Variants in LYNX1 observed in about 807,000 individuals in gnomAD.
The protein encoded by LYNX1 is Ly6/neurotoxin 1.
In LYNX1, 8 loss-of-function variants were observed where a neutral mutation model predicts 8.3. The observed-to-expected ratio is 0.97, with a 90% CI of 0.57 to 1.74. LYNX1 has a LOEUF of 1.74. Ranked by LOEUF, LYNX1 falls within the 40% of genes most tolerant of loss-of-function variation. The probability of loss-of-function intolerance (pLI) is 0.00; values close to 1 mark genes in which losing one functional copy is unlikely to be tolerated. For missense variants in LYNX1, 158 were observed against 159.7 expected (o/e 0.99, Z 0.06); for synonymous variants, 73 against 67.9 (o/e 1.08, Z -0.37).
chr8:142,772,195 GTCC>G lies in LYNX1; in HGVS notation c.*2969_*2971del. Reference sequence around the variant, plus strand: ...TCACTCGGGCATGTCCAGGACTCAGGTCCACACAGACAGTGGCAACAGCTAGCC... The same window carrying G: ...TCACTCGGGCATGTCCAGGACTCAGGACACAGACAGTGGCAACAGCTAGCC... On this transcript the variant is annotated 3_prime_UTR_variant, in exon 4 of 4. Transcript: ENST00000652477. The G allele has an allele frequency of 2.0e-6, 2 of 986,060 alleles. No individual in the cohort carries two copies. Among genetic ancestry groups the G allele is most frequent in the Non-Finnish European group, 2.4e-6 (2 of 830,030 alleles). The allele number at this position is 986,060 out of a possible 1,614,324, so 61.1% of individuals were successfully genotyped here.
chr8:142,772,504 G>A lies in LYNX1; in HGVS notation c.*2663C>T. 1 of 985,494 alleles carries A rather than the reference G, an allele frequency of 1.0e-6. No homozygotes were observed. Among genetic ancestry groups the A allele is most frequent in the South Asian group, 4.7e-5 (1 of 21,292 alleles). The allele number at this position is 985,494 out of a possible 1,614,324, so 61.0% of individuals were successfully genotyped here. A position where few individuals can be genotyped will look rare whatever the true frequency, so the allele number is the denominator to read the frequency against. On this transcript the variant is annotated 3_prime_UTR_variant, in exon 4 of 4. Coordinates refer to ENST00000652477, the MANE Select transcript of LYNX1 (RefSeq NM_177477.4). ...CTGGTGGGAGAAGCGGCTGCACTGT[G>A]GTGCAGGGGGTGGTGAGTGAGCGAG...
chr8:142,771,436 C>T lies in LYNX1; in HGVS notation c.*3731G>A. Reference sequence around the variant, plus strand: ...CTTACTCCTCAAGATGCAAATGAAGCTCAGGGCTGGGCGGAAGCTGGCAGG... The same window carrying T: ...CTTACTCCTCAAGATGCAAATGAAGTTCAGGGCTGGGCGGAAGCTGGCAGG... On this transcript the variant is annotated 3_prime_UTR_variant, in exon 4 of 4. Coordinates refer to ENST00000652477, the MANE Select transcript of LYNX1 (RefSeq NM_177477.4). 1 of 985,494 alleles carries T rather than the reference C, an allele frequency of 1.0e-6. No individual in the cohort carries two copies. 61.0% of individuals were successfully genotyped at this position (985,494 alleles called of 1,614,324 possible).
chr8:142,775,992 G>A lies in LYNX1; in HGVS notation c.-35C>T, dbSNP rs537200781. ...CAGGAGGGCAGCGTGGGAGTGGGGA[G>A]GTCAACAGCAGCTAGCCCTGGATCC... On this transcript the variant is annotated 5_prime_UTR_variant, in exon 2 of 4. Transcript: ENST00000652477. 7.4e-6 allele frequency: 12 copies of A among 1,612,172 alleles called. No individual in the cohort carries two copies. The African/African-American group carries it at 8.0e-5, about 11-fold the overall frequency.
rs1229766239 is a variant in LYNX1, at chr8:142,772,134, A to G, written c.*3033T>C. On this transcript the variant is annotated 3_prime_UTR_variant, in exon 4 of 4. Coordinates refer to ENST00000652477, the MANE Select transcript of LYNX1 (RefSeq NM_177477.4). The stretch of plus-strand genomic sequence containing the variant: ...CAGTTCCCAGAATGTATAACATCCT[A>G]GGGTGACAGAGCCCGCCCAAGCAGC... 1 of 986,088 alleles carries G rather than the reference A, an allele frequency of 1.0e-6. No individual in the cohort carries two copies. The highest frequency in any genetic ancestry group is 1.2e-6 in the Non-Finnish European group (1 of 830,152). 61.1% of individuals were successfully genotyped at this position (986,088 alleles called of 1,614,324 possible). A position where few individuals can be genotyped will look rare whatever the true frequency, so the allele number is the denominator to read the frequency against.
Position 142,771,858 on chromosome 8 carries a change from GC to G in LYNX1, c.*3308del. ...GAAGCCTGCCCAGGGCCGCAGCCCT[GC>G]CCCCAAAGACCCCAGGACAGACCAG... On this transcript the variant is annotated 3_prime_UTR_variant, in exon 4 of 4. Transcript: ENST00000652477. 1 of 985,842 alleles carries G rather than the reference GC, an allele frequency of 1.0e-6. No homozygotes were observed. The highest frequency in any genetic ancestry group is 1.7e-5 in the African/African-American group (1 of 57,312). 61.1% of individuals were successfully genotyped at this position (985,842 alleles called of 1,614,324 possible). A position where few individuals can be genotyped will look rare whatever the true frequency, so the allele number is the denominator to read the frequency against.
rs142385286 is a variant in LYNX1, at chr8:142,772,263, G to A, written c.*2904C>T. On this transcript the variant is annotated 3_prime_UTR_variant, in exon 4 of 4. Coordinates refer to ENST00000652477, the MANE Select transcript of LYNX1 (RefSeq NM_177477.4). ...CCATGAAGGGGACCCTCGGTTCTGC[G>A]AGAGAGATCCCCGAAGTGGGAACTG... The A allele has an allele frequency of 2.4e-3, 2,335 of 985,930 alleles. 54 individuals carry two copies. In the African/African-American group the frequency reaches 0.038, roughly 16 times the overall value. 61.1% of individuals were successfully genotyped at this position (985,930 alleles called of 1,614,324 possible). A position where few individuals can be genotyped will look rare whatever the true frequency, so the allele number is the denominator to read the frequency against.
In LYNX1 at chr8:142,774,930, C is replaced by T; in HGVS notation, c.*237G>A. The stretch of plus-strand genomic sequence containing the variant: ...AGCCCTGGACAGGCGAGGGGCTGAT[C>T]AGCCCATCAAAGCCGGACACTTTTG... On this transcript the variant is annotated 3_prime_UTR_variant, in exon 4 of 4. Transcript: ENST00000652477. 1.4e-6 allele frequency: 2 copies of T among 1,418,030 alleles called. No individual in the cohort carries two copies. Among genetic ancestry groups the T allele is most frequent in the East Asian group, 2.5e-5 (1 of 39,350 alleles). 87.8% of individuals were successfully genotyped at this position (1,418,030 alleles called of 1,614,324 possible).
In LYNX1 at chr8:142,772,954, TC is replaced by T; in HGVS notation, c.*2212del. The T allele has an allele frequency of 1.0e-6, 1 of 985,784 alleles. No homozygotes were observed. The highest frequency in any genetic ancestry group is 1.2e-6 in the Non-Finnish European group (1 of 830,230). 61.1% of individuals were successfully genotyped at this position (985,784 alleles called of 1,614,324 possible). ...CCCCACCCCTCAACACCACAGCACT[TC>T]CAGCTCCAGCAGGTCCTTGTTCTCA... On this transcript the variant is annotated 3_prime_UTR_variant, in exon 4 of 4. Coordinates refer to ENST00000652477, the MANE Select transcript of LYNX1 (RefSeq NM_177477.4).
In LYNX1 at chr8:142,774,148, C is replaced by CCGG; in HGVS notation, c.*1018_*1019insCCG. ...GCGGGGGAGGGGCTGGGTCTCCGCCCTCCCCACCCCACCCTCCCCACTCCC... is the reference window on the plus strand; with the variant it reads ...GCGGGGGAGGGGCTGGGTCTCCGCCCCGGTCCCCACCCCACCCTCCCCACTCCC... On this transcript the variant is annotated 3_prime_UTR_variant, in exon 4 of 4. Transcript: ENST00000652477. The CCGG allele has an allele frequency of 5.8e-5, 56 of 971,652 alleles. No homozygotes were observed. Among genetic ancestry groups the CCGG allele is most frequent in the South Asian group, 9.6e-5 (2 of 20,940 alleles). The allele number at this position is 971,652 out of a possible 1,614,324, so 60.2% of individuals were successfully genotyped here.
In LYNX1 at chr8:142,776,222, G is replaced by A. The variant is rs911373089; in HGVS notation, c.-164-101C>T. 6 of 528,990 alleles carry A rather than the reference G, an allele frequency of 1.1e-5. No individual in the cohort carries two copies. The African/African-American group carries it at 1.1e-4, about 10-fold the overall frequency. 32.8% of individuals were successfully genotyped at this position (528,990 alleles called of 1,614,324 possible). A position where few individuals can be genotyped will look rare whatever the true frequency, so the allele number is the denominator to read the frequency against. On this transcript the variant is annotated intron_variant, in intron 1 of 3. Transcript: ENST00000652477. The stretch of plus-strand genomic sequence containing the variant: ...GTGGGCAGAGGGGCCACCTAACTCA[G>A]TGGGTGTCAGGGAAGGTTTCCTGGA...
chr8:142,771,660 G>A lies in LYNX1; in HGVS notation c.*3507C>T, dbSNP rs929216805. The A allele has an allele frequency of 1.0e-5, 10 of 985,658 alleles. No homozygotes were observed. The highest frequency in any genetic ancestry group is 1.2e-5 in the Non-Finnish European group (10 of 829,958). The allele number at this position is 985,658 out of a possible 1,614,324, so 61.1% of individuals were successfully genotyped here. On this transcript the variant is annotated 3_prime_UTR_variant, in exon 4 of 4. Coordinates refer to ENST00000652477, the MANE Select transcript of LYNX1 (RefSeq NM_177477.4). ...ACCCAGAGTAGTGGGAGAAAGCACC[G>A]GCAGAAAAGCTGGCATATCCACCGA...
At position 142,773,111 on chromosome 8, in the gene LYNX1, C is replaced by T. The variant is rs1047586561; in HGVS notation, c.*2056G>A. 6.1e-6 allele frequency: 6 copies of T among 985,426 alleles called. No homozygotes were observed. Among genetic ancestry groups the T allele is most frequent in the South Asian group, 4.7e-5 (1 of 21,294 alleles). The allele number at this position is 985,426 out of a possible 1,614,324, so 61.0% of individuals were successfully genotyped here. ...GCCACCCAACCCGACAATGGGCTTG[C>T]GCAAGCCGCGCAGTGACTGCTCCCA... On this transcript the variant is annotated 3_prime_UTR_variant, in exon 4 of 4. Transcript: ENST00000652477.
chr8:142,776,074 G>A lies in LYNX1; in HGVS notation c.-117C>T. 1 of 1,185,582 alleles carries A rather than the reference G, an allele frequency of 8.4e-7. No individual in the cohort carries two copies. 73.4% of individuals were successfully genotyped at this position (1,185,582 alleles called of 1,614,324 possible). A position where few individuals can be genotyped will look rare whatever the true frequency, so the allele number is the denominator to read the frequency against. ...CAGGGTGGTGCGCAGAGGACGTGGG[G>A]CCGGCCCTGCCTCCCGGAGCTCCTG... On this transcript the variant is annotated 5_prime_UTR_variant, in exon 2 of 4. Transcript: ENST00000652477.
chr8:142,774,265 C>T lies in LYNX1; in HGVS notation c.*902G>A, dbSNP rs1262204286. 2.4e-5 allele frequency: 24 copies of T among 985,114 alleles called. No individual in the cohort carries two copies. Among genetic ancestry groups the T allele is most frequent in the Non-Finnish European group, 2.9e-5 (24 of 829,886 alleles). 61.0% of individuals were successfully genotyped at this position (985,114 alleles called of 1,614,324 possible). A position where few individuals can be genotyped will look rare whatever the true frequency, so the allele number is the denominator to read the frequency against. On this transcript the variant is annotated 3_prime_UTR_variant, in exon 4 of 4. Coordinates refer to ENST00000652477, the MANE Select transcript of LYNX1 (RefSeq NM_177477.4). ...GGCTGCTCCCAACCCCCAGCCTGTG[C>T]GCGCATCCCCCAGTCCTGCGTCTTT...
At chr8:142,775,780 CA>C (rs1815397221) in intron 2 of LYNX1, 86 bp from the exon 3 acceptor site, 1 of 1,536,892 alleles carries the variant, frequency 6.5e-7, no homozygotes, top group South Asian at 1.2e-5. Flanking sequence ...CCCAGCCCGT[CA>C]CCTTCCCCGG....
Position 142,771,512 on chromosome 8 carries a change from C to T in LYNX1, c.*3655G>A, listed in dbSNP as rs1815176051. 1 of 985,390 alleles carries T rather than the reference C, an allele frequency of 1.0e-6. No individual in the cohort carries two copies. Among genetic ancestry groups the T allele is most frequent in the Non-Finnish European group, 1.2e-6 (1 of 829,934 alleles). The allele number at this position is 985,390 out of a possible 1,614,324, so 61.0% of individuals were successfully genotyped here. Reference sequence around the variant, plus strand: ...TGTCTCTCGGGCTGCCCAGGTGGCTCTGTCCACCCTTCTGTCTGGGAGGCT... The same window carrying T: ...TGTCTCTCGGGCTGCCCAGGTGGCTTTGTCCACCCTTCTGTCTGGGAGGCT... On this transcript the variant is annotated 3_prime_UTR_variant, in exon 4 of 4. Transcript: ENST00000652477.
rs1328925240 is a variant in LYNX1, at chr8:142,771,515, T to C, written c.*3652A>G. On this transcript the variant is annotated 3_prime_UTR_variant, in exon 4 of 4. Coordinates refer to ENST00000652477, the MANE Select transcript of LYNX1 (RefSeq NM_177477.4). ...CTCTCGGGCTGCCCAGGTGGCTCTG[T>C]CCACCCTTCTGTCTGGGAGGCTCCT... 7.1e-6 allele frequency: 7 copies of C among 985,196 alleles called. No homozygotes were observed. The highest frequency in any genetic ancestry group is 1.1e-4 in the East Asian group (1 of 8,804). 61.0% of individuals were successfully genotyped at this position (985,196 alleles called of 1,614,324 possible).
In LYNX1 at chr8:142,772,887, G is replaced by A. The variant is rs1815242267; in HGVS notation, c.*2280C>T. The A allele has an allele frequency of 1.4e-5, 14 of 985,984 alleles. No individual in the cohort carries two copies. Among genetic ancestry groups the A allele is most frequent in the Non-Finnish European group, 1.7e-5 (14 of 830,324 alleles). 61.1% of individuals were successfully genotyped at this position (985,984 alleles called of 1,614,324 possible). On this transcript the variant is annotated 3_prime_UTR_variant, in exon 4 of 4. Coordinates refer to ENST00000652477, the MANE Select transcript of LYNX1 (RefSeq NM_177477.4). ...TGGGACAGGTCAGGGTGGTGGAAAG[G>A]TGGACAGAAGGAGGCAGGAGGCAGG...
chr8:142,776,031 C>T lies in LYNX1; in HGVS notation c.-74G>A, dbSNP rs559129231. ...AGCCCTGGATCCAACTCAGGGGTGG[C>T]GCACAGAGGATCCAACTCAGGGTGG... is the stretch of plus-strand genomic sequence containing the variant. On this transcript the variant is annotated 5_prime_UTR_variant, in exon 2 of 4. Coordinates refer to ENST00000652477, the MANE Select transcript of LYNX1 (RefSeq NM_177477.4). The T allele has an allele frequency of 8.3e-5, 129 of 1,557,054 alleles. No homozygotes were observed. The South Asian group carries it at 9.8e-4, about 12-fold the overall frequency.
Sources: gnomAD v4.1 joint callset for allele counts on GRCh38, gnomAD v4.1.1 for gene constraint, MANE v1.5 for transcripts, NCBI Gene and HGNC (gene_info 2026-07-23, HGNC 2026-07-21) for gene names.